The following DCDC1 variants were observed in gnomAD, a reference collection of about 807,000 sequenced individuals.
The protein encoded by DCDC1 is doublecortin domain containing 1, also known as doublecortin domain-containing protein 1.
Under a neutral mutation model 178.3 loss-of-function variants are expected in DCDC1, and 200 were observed. The ratio of observed to expected loss-of-function variants is 1.12; its 90% CI spans 1.00 to 1.26. The LOEUF (loss-of-function observed/expected upper bound fraction) is 1.26. Ranked by LOEUF, DCDC1 falls within the 50% of genes most tolerant of loss-of-function variation. DCDC1 has a pLI of 0.00. For missense variants in DCDC1, 1,983 were observed against 1,749.2 expected (o/e 1.13, Z -2.38); for synonymous variants, 690 against 604.8 (o/e 1.14, Z -2.07).
rs372144682 is a variant in DCDC1 at position 30,916,906 on chromosome 11, C to A, written c.3416G>T (p.Gly1139Val). 2 of 1,607,754 alleles carry A rather than the reference C, an allele frequency of 1.2e-6. No individual in the cohort carries two copies. Among genetic ancestry groups the A allele is most frequent in the African/African-American group, 2.7e-5 (2 of 74,720 alleles). The change falls in exon 26 of 39, where the codon GGG (glycine) becomes GTG (valine). Residue 1139 changes from glycine to valine, a missense_variant. By Grantham distance (109) the Gly-to-Val change is moderately radical. Transcript: ENST00000684477. ...DDSLPKKTEK[G>V]LFENVEPQKK... is the part of the protein sequence containing the mutation. Reference sequence around the variant, plus strand: ...CTGTGGTTCCACATTTTCAAAGAGCCCTTTTTCCGTTTTCTTTGGAAGACT... The same window carrying A: ...CTGTGGTTCCACATTTTCAAAGAGCACTTTTTCCGTTTTCTTTGGAAGACT...
intron 20 of DCDC1, among the ~76,000 whole-genome samples, chr11:31,043,474 T>C (rs1954614250): frequency 6.6e-6 from 1 of 152,140 alleles, no homozygotes; most frequent in African/African-American, 2.4e-5. Flanking sequence ...CCATTTTCCA[T>C]GTAGGAAAAT....
At chr11:31,315,028 T>C (rs1489557848) in intron 3 of DCDC1, among the ~76,000 whole-genome samples, 2 of 152,156 alleles carry the variant, frequency 1.3e-5, no homozygotes, top group East Asian at 1.9e-4. Flanking sequence ...GAAAATATTC[T>C]TAGGAAGGAG....
At position 31,073,075 on chromosome 11, in the gene DCDC1, G is replaced by GTT. The variant is rs200982931; in HGVS notation, c.2298+4788_2298+4789dup. ...TTTTATCCTTAACTAGATGGAAATA[G>GTT]TTTTGAATATGACTAAATTTAGAGC... is the stretch of plus-strand genomic sequence containing the variant. On this transcript the variant is annotated intron_variant, in intron 18 of 38. Coordinates refer to ENST00000684477, the MANE Select transcript of DCDC1 (RefSeq NM_001387274.1). Among the ~76,000 whole-genome samples, 1,305 of 152,244 alleles carry GTT rather than the reference G, an allele frequency of 8.6e-3. 27 individuals carry two copies. The highest frequency in any genetic ancestry group is 0.03 in the African/African-American group (1,227 of 41,554).
intron 3 of DCDC1, among the ~76,000 whole-genome samples, chr11:31,309,002 T>C (rs1667565362): frequency 6.6e-6 from 1 of 151,906 alleles, no homozygotes; most frequent in South Asian, 2.1e-4. Context: ...CTCCTCCAAA[T>C]CTTTCACATC....
chr11:30,955,296 A>G (rs1484424090), intron 20 of DCDC1, among the ~76,000 whole-genome samples: 1 of 152,146 alleles, frequency 6.6e-6, no homozygotes, highest in Non-Finnish European at 1.5e-5. Context: ...AGCACATATC[A>G]ATAGACCATA....
intron 20 of DCDC1, among the ~76,000 whole-genome samples, chr11:30,996,887 C>T (rs73467167): frequency 0.041 from 6,301 of 152,272 alleles, 432 homozygotes; most frequent in African/African-American, 0.14. Flanking sequence ...TAAAAACGTA[C>T]ATGAACATGT....
intron 26 of DCDC1, among the ~76,000 whole-genome samples, chr11:30,916,101 T>C (rs562730296): frequency 2.6e-5 from 4 of 152,210 alleles, no homozygotes; most frequent in Non-Finnish European, 4.4e-5. Flanking sequence ...ATTCAAACTA[T>C]GATTGTTTCT....
intron 20 of DCDC1, among the ~76,000 whole-genome samples, chr11:30,978,828 C>CACACACACACACACACACA (rs1565147912): frequency 3.9e-5 from 5 of 127,080 alleles, no homozygotes; most frequent in Admixed American, 2.3e-4. Context: ...ACACACACAC[C>CACACACACACACACACACA]CCCTTCTCAG....
At chr11:31,077,825 A>G in intron 18 of DCDC1, 40 bp downstream of exon 18, 1 of 760,762 alleles carries the variant, frequency 1.3e-6, no homozygotes, top group Non-Finnish European at 2.4e-6. Context: ...TGGGAATAGA[A>G]AAACTTAGGC....
chr11:31,077,110 T>C (rs1162262382), intron 18 of DCDC1, among the ~76,000 whole-genome samples: 1 of 152,160 alleles, frequency 6.6e-6, no homozygotes, highest in Non-Finnish European at 1.5e-5. Context: ...GTCTGCCACC[T>C]TGGGAAACTC....
intron 21 of DCDC1, among the ~76,000 whole-genome samples, chr11:30,948,121 A>G (rs909712542): frequency 6.6e-6 from 1 of 152,186 alleles, no homozygotes; most frequent in African/African-American, 2.4e-5. Flanking sequence ...TCTCAGCCCA[A>G]AATCTTCTTA....
rs530514298 is a variant in DCDC1 at position 31,105,801 on chromosome 11, G to A, written c.1751+996C>T. On this transcript the variant is annotated intron_variant, in intron 13 of 38. Coordinates refer to ENST00000684477, the MANE Select transcript of DCDC1 (RefSeq NM_001387274.1). ...TCTGAGTACATTTGTTTCAGTATTC[G>A]AAATTTTAACTATTTGAATATATAG... 6.8e-3 allele frequency among the ~76,000 whole-genome samples: 1,032 copies of A among 152,022 alleles called. 16 individuals are homozygous for A. Among genetic ancestry groups the A allele is most frequent in the South Asian group, 0.044 (210 of 4,816 alleles).
chr11:30,942,052 C>T (rs1008046254), intron 21 of DCDC1, among the ~76,000 whole-genome samples: 4 of 152,138 alleles, frequency 2.6e-5, no homozygotes, highest in African/African-American at 9.7e-5. Flanking sequence ...TCCTAAACCT[C>T]ACTGAGAAAC....
chr11:30,994,760 T>A (rs1951166640), intron 20 of DCDC1, among the ~76,000 whole-genome samples: 1 of 145,320 alleles, frequency 6.9e-6, no homozygotes, highest in South Asian at 2.1e-4. Context: ...ATATAATATA[T>A]TTGTTTATTA....
chr11:30,915,767 G>T, intron 26 of DCDC1, 56 bp from the exon 27 acceptor site: 1 of 1,534,648 alleles, frequency 6.5e-7, no homozygotes, highest in Non-Finnish European at 8.9e-7. Context: ...ACTTGATCAT[G>T]CACTTGATGT....
At chr11:31,369,431 G>A (rs1422509310) in intron 1 of DCDC1, among the ~76,000 whole-genome samples, 1 of 152,148 alleles carries the variant, frequency 6.6e-6, no homozygotes. Context: ...GAACTGTAGG[G>A]ACGAGAGTGG....
At chr11:31,302,952 T>C (rs1948211826) in intron 6 of DCDC1, among the ~76,000 whole-genome samples, 1 of 152,174 alleles carries the variant, frequency 6.6e-6, no homozygotes, top group Non-Finnish European at 1.5e-5. Flanking sequence ...ATGCCAGAAA[T>C]AAAATAAGAT....
intron 9 of DCDC1, among the ~76,000 whole-genome samples, chr11:31,171,047 C>T (rs755021135): frequency 2.6e-5 from 4 of 152,006 alleles, no homozygotes; most frequent in African/African-American, 4.8e-5. Flanking sequence ...AGGCTGGTCT[C>T]GAACTCCCGA....
At chr11:31,064,142 T>G (rs984779810) in intron 20 of DCDC1, among the ~76,000 whole-genome samples, 1 of 152,194 alleles carries the variant, frequency 6.6e-6, no homozygotes, top group Non-Finnish European at 1.5e-5. Context: ...TTCTTCAACA[T>G]AGCTTGGTAT....
Sources: allele counts gnomAD v4.1 joint callset (sites outside exome capture counted in the v4.1 genomes callset), GRCh38; gene constraint gnomAD v4.1.1; transcripts MANE v1.5; gene names NCBI Gene and HGNC (gene_info 2026-07-23, HGNC 2026-07-21).